RNF216: variants seen among roughly 807,000 people sequenced by gnomAD.
RNF216 encodes the protein E3 ubiquitin-protein ligase RNF216.
RNF216 carries 72 observed loss-of-function variants against 110.8 expected under a neutral mutation model. That is an observed-to-expected ratio of 0.65 (90% CI 0.54 to 0.79). The LOEUF (loss-of-function observed/expected upper bound fraction) is 0.79. RNF216 is among the 30% of genes least tolerant of loss of function. The pLI is 0.00. For synonymous variants in RNF216, 495 were observed against 407.5 expected (o/e 1.21, Z -2.59); for missense variants, 1,342 against 1,141.2 (o/e 1.18, Z -2.54).
chr7:5,721,253 C>G, intron 8 of RNF216, 81 bp from the exon 9 acceptor site: 1 of 1,244,304 alleles, frequency 8.0e-7, no homozygotes, highest in Non-Finnish European at 1.1e-6. Context: ...TTCTTCCCGG[C>G]CTCATCCTCC....
At chr7:5,779,885 C>G (rs1437620519) in intron 1 of RNF216, 2 of 150,348 alleles carry the variant, frequency 1.3e-5, no homozygotes, top group East Asian at 2.0e-4. Context: ...CAGAGAGGAG[C>G]TGACGGGACA....
intron 13 of RNF216, among the ~76,000 whole-genome samples, chr7:5,676,398 A>G (rs919471297): frequency 6.6e-6 from 1 of 152,224 alleles, no homozygotes. Flanking sequence ...GCTGCCCTTA[A>G]AAGTGCTGAC....
intron 13 of RNF216, among the ~76,000 whole-genome samples, chr7:5,709,447 TTCTC>T (rs1196376809): frequency 6.6e-6 from 1 of 152,096 alleles, no homozygotes; most frequent in Non-Finnish European, 1.5e-5. Context: ...TGTTGAACTG[TTCTC>T]TCTATGGGAA....
At position 5,743,037 on chromosome 7, in the gene RNF216, C is replaced by T. The variant is rs184867315; in HGVS notation, c.202-1222G>A. On this transcript the variant is annotated intron_variant, in intron 3 of 16. Coordinates refer to ENST00000389902, the MANE Select transcript of RNF216 (RefSeq NM_207111.4). ...CAGCATTCAGGGAGGCCAAGGCAGG[C>T]GGATCACGAGGTCAGGAGATCGAGA... Among the ~76,000 whole-genome samples, 1,219 of 152,156 alleles carry T rather than the reference C, an allele frequency of 8.0e-3. 17 individuals carry two copies. The highest frequency in any genetic ancestry group is 0.028 in the African/African-American group (1,169 of 41,500).
At chr7:5,725,832 C>T (rs1412828193) in intron 7 of RNF216, among the ~76,000 whole-genome samples, 3 of 137,834 alleles carry the variant, frequency 2.2e-5, no homozygotes, top group Non-Finnish European at 4.6e-5. Flanking sequence ...CACTGCACTC[C>T]AGCCTGGGCA....
chr7:5,687,122 A>G (rs1003969471), intron 13 of RNF216, among the ~76,000 whole-genome samples: 3 of 152,208 alleles, frequency 2.0e-5, no homozygotes, highest in African/African-American at 7.2e-5. Flanking sequence ...AAGACCAGGT[A>G]CGGTGGCTCA....
At chr7:5,730,390 A>G (rs1056171428) in intron 6 of RNF216, among the ~76,000 whole-genome samples, 1 of 152,198 alleles carries the variant, frequency 6.6e-6, no homozygotes, top group Non-Finnish European at 1.5e-5. Context: ...ATAAAATGTT[A>G]AGAGTTTTGG....
At chr7:5,661,663 C>T (rs774084531) in intron 13 of RNF216, among the ~76,000 whole-genome samples, 2 of 152,002 alleles carry the variant, frequency 1.3e-5, no homozygotes, top group Non-Finnish European at 1.5e-5. Flanking sequence ...ATTAGCCAGG[C>T]GTGGTGGTGC....
chr7:5,781,388 C>A (rs1392163122), intron 1 of RNF216, among the ~76,000 whole-genome samples, 153 bp downstream of exon 1: 1 of 151,954 alleles, frequency 6.6e-6, no homozygotes, highest in African/African-American at 2.4e-5. Context: ...CCGATCCCGC[C>A]CGGGCCTCGG....
chr7:5,733,993 A>T (rs1350572390), intron 5 of RNF216, among the ~76,000 whole-genome samples: 2 of 152,220 alleles, frequency 1.3e-5, no homozygotes, highest in African/African-American at 4.8e-5. Flanking sequence ...TTAGTAATTT[A>T]AAAAAATGTA....
chr7:5,731,265 C>T (rs1480963441), intron 5 of RNF216, among the ~76,000 whole-genome samples: 1 of 152,098 alleles, frequency 6.6e-6, no homozygotes, highest in African/African-American at 2.4e-5. Context: ...TATAAAAGAC[C>T]TTCTGTTAAT....
chr7:5,765,361 G>C (rs949259012), intron 1 of RNF216, among the ~76,000 whole-genome samples: 1 of 152,016 alleles, frequency 6.6e-6, no homozygotes, highest in Non-Finnish European at 1.5e-5. Context: ...CTACTTGGGA[G>C]GCTGAGGTAA....
At chr7:5,766,324 T>C (rs1285927669) in intron 1 of RNF216, among the ~76,000 whole-genome samples, 1 of 151,954 alleles carries the variant, frequency 6.6e-6, no homozygotes, top group East Asian at 1.9e-4. Flanking sequence ...AAAAAATCCT[T>C]GAGTCTAGAG....
intron 13 of RNF216, among the ~76,000 whole-genome samples, chr7:5,673,693 CA>C (rs1016810901): frequency 1.3e-5 from 2 of 152,132 alleles, no homozygotes; most frequent in African/African-American, 2.4e-5. Flanking sequence ...CTGAGCAACA[CA>C]GCATGACCTT....
chr7:5,692,494 G>C (rs1562397191), intron 13 of RNF216, among the ~76,000 whole-genome samples: 2 of 152,152 alleles, frequency 1.3e-5, no homozygotes, highest in African/African-American at 4.8e-5. Context: ...TTCCCGCGGG[G>C]CCCTGACTTC....
intron 15 of RNF216, among the ~76,000 whole-genome samples, chr7:5,635,002 C>T (rs1019499981): frequency 6.6e-6 from 1 of 152,158 alleles, no homozygotes; most frequent in Non-Finnish European, 1.5e-5. Flanking sequence ...GCTCAGGGAC[C>T]CTATGGGCAC....
At position 5,638,649 on chromosome 7, in the gene RNF216, T is replaced by G. The variant is rs528560120; in HGVS notation, c.2382+2505A>C. On this transcript the variant is annotated intron_variant, in intron 15 of 16. Transcript: ENST00000389902. ...AAAGCAAGCATTTTTTTTTTTTTTT[T>G]GGGGGGGAGACAGGGTCTTGCTCTG... 3.6e-3 allele frequency among the ~76,000 whole-genome samples: 537 copies of G among 149,834 alleles called. 2 individuals carry two copies. The highest frequency in any genetic ancestry group is 6.9e-3 in the Middle Eastern group (2 of 288).
chr7:5,647,179 G>T (rs953265649), intron 14 of RNF216, among the ~76,000 whole-genome samples: 2 of 151,698 alleles, frequency 1.3e-5, no homozygotes, highest in African/African-American at 4.8e-5. Flanking sequence ...TCTTGCTCTG[G>T]TGGGAGATAG....
chr7:5,631,426 G>C (rs910772279), intron 15 of RNF216, among the ~76,000 whole-genome samples: 16 of 152,198 alleles, frequency 1.1e-4, no homozygotes, highest in African/African-American at 3.1e-4. Context: ...CCAGCACTGA[G>C]GTGAGAGGCT....
Sources: allele counts gnomAD v4.1 joint callset (sites outside exome capture counted in the v4.1 genomes callset), GRCh38; gene constraint gnomAD v4.1.1; transcripts MANE v1.5; gene names NCBI Gene and HGNC (gene_info 2026-07-23, HGNC 2026-07-21).